Variants in FOCAD observed in about 807,000 individuals in gnomAD.
FOCAD encodes KIAA1797.
Under a neutral mutation model 225.6 loss-of-function variants are expected in FOCAD, and 198 were observed. The ratio of observed to expected loss-of-function variants is 0.88; its 90% CI spans 0.78 to 0.99. The LOEUF (loss-of-function observed/expected upper bound fraction) is 0.99, where lower values mean the gene tolerates loss of function less well. Ranked by LOEUF, FOCAD falls within the 50% of genes least tolerant of loss-of-function variation. The pLI is 0.00. For missense variants in FOCAD, 2,713 were observed against 2,123.6 expected, an observed-to-expected ratio of 1.28 and a Z score of -5.46; for synonymous variants, 897 against 755.0, an observed-to-expected ratio of 1.19 and a Z score of -3.08.
chr9:20,904,901 C>A (rs1190498071), intron 21 of FOCAD, among the ~76,000 whole-genome samples: 2 of 151,956 alleles, frequency 1.3e-5, no homozygotes, highest in Non-Finnish European at 2.9e-5. Context: ...ACCCTAGCAA[C>A]ATTAACCTAA....
At chr9:20,958,408 AT>A (rs34820613) in intron 35 of FOCAD, among the ~76,000 whole-genome samples, 19,859 of 151,830 alleles carry the variant, frequency 0.13, 1,623 homozygotes, top group East Asian at 0.19. Context: ...TTTAAAAAAA[AT>A]TTTTAATTGA....
rs182229984 is a variant in FOCAD, at chr9:20,983,732, T to C, written c.4728+1286T>C. Among the ~76,000 whole-genome samples, 5 of 152,230 alleles carry C rather than the reference T, an allele frequency of 3.3e-5. No homozygotes were observed. The East Asian group carries it at 9.6e-4, about 29-fold the overall frequency. On this transcript the variant is annotated intron_variant, in intron 39 of 43. Transcript: ENST00000338382. ...CTGCAATTTGCTAGCAATGCGATCT[T>C]GGTTAAGCTTCATAAGCTCTCTGCC...
chr9:20,990,564 T>C (rs759212080), intron 42 of FOCAD, among the ~76,000 whole-genome samples, 190 bp downstream of exon 42: 3 of 152,170 alleles, frequency 2.0e-5, no homozygotes, highest in Non-Finnish European at 4.4e-5. Context: ...CAACTGCTGA[T>C]TAAACAACAA....
intron 9 of FOCAD, 78 bp from the exon 10 acceptor site, chr9:20,781,649 T>G (rs1819378075): frequency 7.6e-7 from 1 of 1,308,448 alleles, no homozygotes. Flanking sequence ...TTCTTGCATA[T>G]CATTCTTAAG....
In FOCAD at chr9:20,866,925, C is replaced by G. The variant is rs200517800; in HGVS notation, c.2107-4C>G. On this transcript the variant is annotated splice_polypyrimidine_tract_variant and splice_region_variant and intron_variant, in intron 17 of 43. Coordinates refer to ENST00000338382, the MANE Select transcript of FOCAD (RefSeq NM_001375567.1). ...TTTTTTTTTTTTTTTTTTACCCTAT[C>G]TAGGACCCAATTGTAGCAAATGCTG... 6.9e-6 allele frequency: 2 copies of G among 289,378 alleles called. No individual in the cohort carries two copies. The highest frequency in any genetic ancestry group is 6.6e-6 in the Non-Finnish European group (1 of 152,546). 17.9% of individuals were successfully genotyped at this position (289,378 alleles called of 1,614,324 possible). A position where few individuals can be genotyped will look rare whatever the true frequency, so the allele number is the denominator to read the frequency against.
chr9:20,854,892 A>G (rs1286096810), intron 15 of FOCAD, among the ~76,000 whole-genome samples: 1 of 151,798 alleles, frequency 6.6e-6, no homozygotes, highest in Non-Finnish European at 1.5e-5. Flanking sequence ...CAGTTTCCTT[A>G]GCACTTTTTA....
At chr9:20,987,350 C>G (rs551528879) in intron 40 of FOCAD, among the ~76,000 whole-genome samples, 1 of 151,858 alleles carries the variant, frequency 6.6e-6, no homozygotes, top group Non-Finnish European at 1.5e-5. Flanking sequence ...TCTACTAAAA[C>G]GACAAAAATT....
At chr9:20,952,670 T>C (rs1197858886) in intron 34 of FOCAD, among the ~76,000 whole-genome samples, 1 of 152,198 alleles carries the variant, frequency 6.6e-6, no homozygotes, top group African/African-American at 2.4e-5. Flanking sequence ...GATTAGGGCT[T>C]ATTGATGTGA....
chr9:20,985,972 T>C (rs948618182), intron 39 of FOCAD, among the ~76,000 whole-genome samples: 4 of 152,228 alleles, frequency 2.6e-5, no homozygotes, highest in Admixed American at 6.5e-5. Flanking sequence ...CTTGGAGTGA[T>C]GCCTGGCACA....
At chr9:20,819,186 A>G (rs1824050645) in intron 11 of FOCAD, among the ~76,000 whole-genome samples, 3 of 152,218 alleles carry the variant, frequency 2.0e-5, no homozygotes, top group South Asian at 2.1e-4. Flanking sequence ...GCTGTTCATT[A>G]GAACTTTACA....
intron 2 of FOCAD, among the ~76,000 whole-genome samples, chr9:20,677,207 G>A (rs1822261220): frequency 1.3e-5 from 2 of 152,180 alleles, no homozygotes. Context: ...CTCACCCCAT[G>A]TGATAAAGTC....
upstream of FOCAD, among the ~76,000 whole-genome samples, chr9:20,682,053 C>T (rs1587205555): frequency 6.6e-6 from 1 of 152,114 alleles, no homozygotes; most frequent in Non-Finnish European, 1.5e-5. Context: ...TCCTGTCGTG[C>T]CCTTATAAAA....
intron 34 of FOCAD, 23 bp downstream of exon 34, chr9:20,951,121 C>T: frequency 6.3e-7 from 1 of 1,580,670 alleles, no homozygotes; most frequent in Non-Finnish European, 8.7e-7. Context: ...TCATAAAATA[C>T]TGGAGCTGGA....
At chr9:20,766,981 C>A (rs1380212966) in intron 7 of FOCAD, among the ~76,000 whole-genome samples, 5 of 152,130 alleles carry the variant, frequency 3.3e-5, no homozygotes, top group Non-Finnish European at 7.3e-5. Flanking sequence ...CCCTCTCCCC[C>A]ACCCCACCAC....
upstream of FOCAD, among the ~76,000 whole-genome samples, chr9:20,682,874 G>C (rs1333354014): frequency 1.3e-5 from 2 of 152,132 alleles, no homozygotes; most frequent in Non-Finnish European, 1.5e-5. Context: ...GGGTTCAAGC[G>C]ATTCTCCTGC....
At chr9:20,874,497 T>C in intron 18 of FOCAD, 184 bp from the exon 19 acceptor site, 1 of 567,070 alleles carries the variant, frequency 1.8e-6, no homozygotes, top group South Asian at 2.3e-5. Context: ...ACTAGAGTCA[T>C]GACCATTTAG....
At chr9:20,908,597 TG>T (rs1833176080) in intron 22 of FOCAD, among the ~76,000 whole-genome samples, 2 of 152,094 alleles carry the variant, frequency 1.3e-5, no homozygotes, top group Non-Finnish European at 2.9e-5. Flanking sequence ...GATGTTCCTT[TG>T]GAACCATCGT....
intron 11 of FOCAD, among the ~76,000 whole-genome samples, chr9:20,789,870 A>T (rs10964702): frequency 6.6e-6 from 1 of 151,926 alleles, no homozygotes; most frequent in Non-Finnish European, 1.5e-5. Flanking sequence ...TGGTTCTTCC[A>T]ATTTTTTGGT....
chr9:20,811,856 G>C (rs1472980410), intron 11 of FOCAD, among the ~76,000 whole-genome samples: 4 of 151,926 alleles, frequency 2.6e-5, no homozygotes, highest in East Asian at 1.9e-4. Flanking sequence ...AGTTTTAAAA[G>C]TCTCTTCCAA....
Sources: gnomAD v4.1 joint callset for allele counts (sites outside exome capture counted in the v4.1 genomes callset) on GRCh38, gnomAD v4.1.1 for gene constraint, MANE v1.5 for transcripts, NCBI Gene and HGNC (gene_info 2026-07-23, HGNC 2026-07-21) for gene names.